The following WWC2 variants were observed in gnomAD, a reference collection of about 807,000 sequenced individuals.
WWC2 encodes the protein protein WWC2.
A neutral mutation model predicts 138.5 loss-of-function variants in WWC2; 101 were observed. That is an observed-to-expected ratio of 0.73 (90% CI 0.62 to 0.86). The LOEUF is 0.86. Among genes scored for constraint, WWC2 ranks in the 40% least tolerant of loss-of-function variants. The pLI, the probability that WWC2 is intolerant of heterozygous loss-of-function variation, is 0.00. For synonymous variants in WWC2, 558 were observed against 538.4 expected (o/e 1.04, Z -0.50); for missense variants, 1,420 against 1,419.4 (o/e 1.00, Z -0.01).
At position 183,156,649 on chromosome 4, in the gene WWC2, T is replaced by G. The variant is rs149291278; in HGVS notation, c.132-36950T>G. 1.6e-3 allele frequency among the ~76,000 whole-genome samples: 237 copies of G among 152,272 alleles called. No homozygotes were observed. The Middle Eastern group carries it at 0.024, about 15-fold the overall frequency. On this transcript the variant is annotated intron_variant, in intron 1 of 22. Transcript: ENST00000403733. ...GCCCGGCACCTTTGTTCTTCATTTA[T>G]TCTCCCATCTACTCTGCAGTGACCT...
intron 4 of WWC2, among the ~76,000 whole-genome samples, chr4:183,215,708 A>G (rs921101200): frequency 6.6e-6 from 1 of 152,136 alleles, no homozygotes; most frequent in African/African-American, 2.4e-5. Flanking sequence ...ACTGCAGGCT[A>G]AATATGTATT....
At chr4:183,282,205 G>A (rs1028488187) in intron 17 of WWC2, among the ~76,000 whole-genome samples, 3 of 152,076 alleles carry the variant, frequency 2.0e-5, no homozygotes, top group Non-Finnish European at 4.4e-5. Context: ...CCATGCCAGG[G>A]CTTTTGTTAA....
chr4:183,177,860 T>C (rs918885113), intron 1 of WWC2, among the ~76,000 whole-genome samples: 1 of 152,206 alleles, frequency 6.6e-6, no homozygotes, highest in African/African-American at 2.4e-5. Flanking sequence ...AATTGTCTAG[T>C]AATCTGGCCA....
In WWC2 at chr4:183,185,041, A is replaced by T. The variant is rs549623347; in HGVS notation, c.132-8558A>T. Reference sequence around the variant, plus strand: ...GATCCAATCTAATTTACGTCTTTTAAACAATAGCACTCAAGGTGAACTTCT... The same window carrying T: ...GATCCAATCTAATTTACGTCTTTTATACAATAGCACTCAAGGTGAACTTCT... On this transcript the variant is annotated intron_variant, in intron 1 of 22. Coordinates refer to ENST00000403733, the MANE Select transcript of WWC2 (RefSeq NM_024949.6). Among the ~76,000 whole-genome samples, 3 of 152,266 alleles carry T rather than the reference A, an allele frequency of 2.0e-5. No homozygotes were observed. The South Asian group carries it at 6.2e-4, about 32-fold the overall frequency.
chr4:183,308,929 A>C (rs565765339), intron 21 of WWC2, among the ~76,000 whole-genome samples: 1 of 152,218 alleles, frequency 6.6e-6, no homozygotes, highest in Non-Finnish European at 1.5e-5. Context: ...CAGAGGGCTG[A>C]CTATATTCAA....
In WWC2 at chr4:183,280,782, G is replaced by A. The variant is rs1369206532; in HGVS notation, c.2569G>A (p.Val857Met). ...PLVDSIDLDA[V>M]SALLARTSAE... ...TATGCTTTACATTCTTCAGGATGCA[G>A]TGTCAGCCTTACTTGCAAGAACATC... The change falls in exon 17 of 23, where the codon GTG (valine) becomes ATG (methionine). Residue 857 changes from valine to methionine, a missense_variant. Physicochemically the swap from Val to Met is conservative, Grantham distance 21 (BLOSUM62 1). Coordinates refer to ENST00000403733, the MANE Select transcript of WWC2 (RefSeq NM_024949.6). The A allele has an allele frequency of 1.2e-6, 2 of 1,603,576 alleles. No individual in the cohort carries two copies. The highest frequency in any genetic ancestry group is 1.7e-6 in the Non-Finnish European group (2 of 1,174,928).
At chr4:183,162,571 G>A (rs1446562750) in intron 1 of WWC2, among the ~76,000 whole-genome samples, 1 of 151,938 alleles carries the variant, frequency 6.6e-6, no homozygotes, top group African/African-American at 2.4e-5. Flanking sequence ...TTACTCTTTG[G>A]CACCTTGTCC....
chr4:183,174,555 T>C (rs569778481), intron 1 of WWC2, among the ~76,000 whole-genome samples: 1 of 152,298 alleles, frequency 6.6e-6, no homozygotes, highest in East Asian at 1.9e-4. Flanking sequence ...AAATCCCCTT[T>C]CTGCTATTTT....
chr4:183,122,418 A>C (rs1041222298), intron 1 of WWC2, among the ~76,000 whole-genome samples: 3 of 152,238 alleles, frequency 2.0e-5, no homozygotes, highest in East Asian at 1.9e-4. Context: ...ATTACAATAA[A>C]ATTAAAACTC....
At chr4:183,241,182 G>A (rs1460699525) in intron 5 of WWC2, among the ~76,000 whole-genome samples, 2 of 152,188 alleles carry the variant, frequency 1.3e-5, no homozygotes, top group African/African-American at 2.4e-5. Context: ...GGCAGGTTTC[G>A]TGTTCTTCCC....
intron 8 of WWC2, 93 bp from the exon 9 acceptor site, chr4:183,253,664 A>G (rs1474502752): frequency 1.4e-6 from 2 of 1,469,912 alleles, no homozygotes; most frequent in Admixed American, 2.2e-5. Context: ...GAAAATCTGG[A>G]CAGCATGTCA....
intron 1 of WWC2, among the ~76,000 whole-genome samples, chr4:183,148,040 C>T (rs753123334): frequency 1.3e-5 from 2 of 152,106 alleles, no homozygotes; most frequent in Non-Finnish European, 2.9e-5. Context: ...TCCAGCTCTG[C>T]TGTGAAATGA....
intron 21 of WWC2, among the ~76,000 whole-genome samples, chr4:183,308,322 C>G (rs938244884): frequency 3.3e-5 from 5 of 152,172 alleles, no homozygotes; most frequent in African/African-American, 1.2e-4. Context: ...AGATTTAATG[C>G]AGTTCCACTC....
At chr4:183,158,319 G>A (rs1055655309) in intron 1 of WWC2, among the ~76,000 whole-genome samples, 1 of 152,146 alleles carries the variant, frequency 6.6e-6, no homozygotes, top group Non-Finnish European at 1.5e-5. Context: ...TAACAAAGTA[G>A]CACTGACTGG....
intron 4 of WWC2, among the ~76,000 whole-genome samples, chr4:183,218,732 A>G (rs1420038059): frequency 2.0e-5 from 3 of 152,214 alleles, no homozygotes; most frequent in South Asian, 2.1e-4. Flanking sequence ...CTGGCAGTGC[A>G]GATGAAGTCC....
chr4:183,299,400 T>C (rs536797553), intron 21 of WWC2, among the ~76,000 whole-genome samples: 8 of 151,696 alleles, frequency 5.3e-5, no homozygotes, highest in South Asian at 4.2e-4. Context: ...CATCAAGCAA[T>C]AGTGAAAAAA....
At chr4:183,126,722 A>G (rs1732768041) in intron 1 of WWC2, among the ~76,000 whole-genome samples, 1 of 151,812 alleles carries the variant, frequency 6.6e-6, no homozygotes, top group Admixed American at 6.6e-5. Context: ...ATGCACACAC[A>G]CTGGTTTATT....
At chr4:183,156,278 A>T (rs1431913767) in intron 1 of WWC2, among the ~76,000 whole-genome samples, 1 of 150,924 alleles carries the variant, frequency 6.6e-6, no homozygotes, top group African/African-American at 2.4e-5. Flanking sequence ...CGCCTACCTC[A>T]GCCTCCTAAA....
chr4:183,198,108 T>C (rs1190356340), intron 2 of WWC2, among the ~76,000 whole-genome samples: 1 of 152,144 alleles, frequency 6.6e-6, no homozygotes, highest in East Asian at 1.9e-4. Context: ...GAGGCTGAGG[T>C]GGGCAGATTG....
Sources: allele counts gnomAD v4.1 joint callset (sites outside exome capture counted in the v4.1 genomes callset), GRCh38; gene constraint gnomAD v4.1.1; transcripts MANE v1.5; gene names NCBI Gene and HGNC (gene_info 2026-07-23, HGNC 2026-07-21).